MCF2L2: variants seen among roughly 807,000 people sequenced by gnomAD.
The protein encoded by MCF2L2 is probable guanine nucleotide exchange factor MCF2L2.
MCF2L2 carries 102 observed loss-of-function variants against 150.2 expected under a neutral mutation model. The observed-to-expected ratio is 0.68, with a 90% CI of 0.58 to 0.80. The LOEUF is 0.80. Ranked by LOEUF, MCF2L2 falls within the 30% of genes least tolerant of loss-of-function variation. The pLI is 0.00. For missense variants in MCF2L2, 1,256 were observed against 1,372.8 expected, an observed-to-expected ratio of 0.91 and a Z score of 1.34; for synonymous variants, 465 against 491.3, an observed-to-expected ratio of 0.95 and a Z score of 0.71.
intron 11 of MCF2L2, 192 bp from the exon 12 acceptor site, chr3:183,297,359 G>A (rs2108492855): frequency 7.3e-6 from 4 of 550,662 alleles, no homozygotes; most frequent in South Asian, 4.6e-5. Context: ...ACCCAAACCA[G>A]CTGATACCTG....
rs991175716 is a variant in MCF2L2 at position 183,305,549 on chromosome 3, C to T, written c.1113+4167G>A. On this transcript the variant is annotated intron_variant, in intron 10 of 29. Transcript: ENST00000328913. The surrounding 1 kb of genome is among the most constrained non-coding windows in gnomAD (Gnocchi z 4.1). Reference sequence around the variant, plus strand: ...GTCCAAATGGGTCTAGGGAGAAACGCCCATAAAGGCAACTGAGGAGGCCGG... The same window carrying T: ...GTCCAAATGGGTCTAGGGAGAAACGTCCATAAAGGCAACTGAGGAGGCCGG... Among the ~76,000 whole-genome samples, 9 of 152,090 alleles carry T rather than the reference C, an allele frequency of 5.9e-5. No individual in the cohort carries two copies. Among genetic ancestry groups the T allele is most frequent in the African/African-American group, 1.9e-4 (8 of 41,424 alleles).
chr3:183,330,245 GAA>G (rs200391954), intron 5 of MCF2L2, among the ~76,000 whole-genome samples: 25 of 57,316 alleles, frequency 4.4e-4, no homozygotes, highest in African/African-American at 1.1e-3. Flanking sequence ...ACCCTGTCTT[GAA>G]AAAAAAAAAA....
intron 5 of MCF2L2, among the ~76,000 whole-genome samples, chr3:183,330,101 C>T (rs192976721): frequency 1.3e-5 from 2 of 150,862 alleles, no homozygotes; most frequent in African/African-American, 2.4e-5. Context: ...AAAAATCAGC[C>T]GGGCATGGTG....
Position 183,428,146 on chromosome 3 carries a change from C to T in MCF2L2, c.-169G>A. The T allele has an allele frequency of 1.7e-6, 1 of 596,160 alleles. No homozygotes were observed. The highest frequency in any genetic ancestry group is 2.0e-5 in the South Asian group (1 of 49,692). 36.9% of individuals were successfully genotyped at this position (596,160 alleles called of 1,614,324 possible). A position where few individuals can be genotyped will look rare whatever the true frequency, so the allele number is the denominator to read the frequency against. The stretch of plus-strand genomic sequence containing the variant: ...CTCGCAGCCTAGGCCAGCTCTCCCT[C>T]GCCACGCCCCGCGGGGGCTCCCGTG... On this transcript the variant is annotated 5_prime_UTR_variant, in exon 1 of 30. Transcript: ENST00000328913. This position sits in a 1 kb window ranked among gnomAD's most constrained non-coding sequence, Gnocchi z 5.1.
At chr3:183,377,178 G>A (rs1713237050) in intron 3 of MCF2L2, 1 of 152,104 alleles carries the variant, frequency 6.6e-6, no homozygotes, top group African/African-American at 2.4e-5. Flanking sequence ...TTGTCCTAAT[G>A]CTCTCCTTCC....
intron 3 of MCF2L2, among the ~76,000 whole-genome samples, chr3:183,360,155 C>T (rs1349069305): frequency 6.6e-6 from 1 of 152,168 alleles, no homozygotes; most frequent in Non-Finnish European, 1.5e-5. Flanking sequence ...ACTACAGCAG[C>T]TGCATTCACA....
At position 183,305,825 on chromosome 3, in the gene MCF2L2, G is replaced by C. The variant is rs1020147305; in HGVS notation, c.1113+3891C>G. Among the ~76,000 whole-genome samples the C allele has an allele frequency of 2.0e-5, 3 of 152,128 alleles. No individual in the cohort carries two copies. The highest frequency in any genetic ancestry group is 7.2e-5 in the African/African-American group (3 of 41,430). On this transcript the variant is annotated intron_variant, in intron 10 of 29. Transcript: ENST00000328913. This position sits in a 1 kb window ranked among gnomAD's most constrained non-coding sequence, Gnocchi z 4.1. ...GATTGTGCCACTGCACTCCAGCCTG[G>C]GCGGCAAGAGTGAAACTCCGTCTCA...
chr3:183,306,758 C>T (rs1377958705), intron 10 of MCF2L2, among the ~76,000 whole-genome samples: 1 of 152,204 alleles, frequency 6.6e-6, no homozygotes, highest in African/African-American at 2.4e-5. Context: ...CACATGTACA[C>T]AAAGCCATGA....
chr3:183,205,891 G>T lies in MCF2L2; in HGVS notation c.2869C>A (p.Gln957Lys). 2 of 1,613,516 alleles carry T rather than the reference G, an allele frequency of 1.2e-6. No individual in the cohort carries two copies. The highest frequency in any genetic ancestry group is 8.5e-7 in the Non-Finnish European group (1 of 1,179,506). Residue 957 changes from glutamine to lysine, a missense_variant, in exon 25 of 30, where the codon CAA becomes AAA. Coordinates refer to ENST00000328913, the MANE Select transcript of MCF2L2 (RefSeq NM_015078.4). The part of the protein sequence containing the change: ...SEISKLLMEQ[Q>K]NNIKDQGNPQ... The stretch of plus-strand genomic sequence containing the variant: ...GGTAACCTACCTTTGATATTATTTT[G>T]TTGTTCCATCAATAATTTACTTATT...
At chr3:183,216,324 C>A (rs890136777) in intron 21 of MCF2L2, among the ~76,000 whole-genome samples, 1 of 149,612 alleles carries the variant, frequency 6.7e-6, no homozygotes, top group Non-Finnish European at 1.5e-5. Context: ...GTACTAGTGA[C>A]GAATGAAGTT....
intron 6 of MCF2L2, 72 bp downstream of exon 6, chr3:183,323,163 C>G: frequency 8.9e-7 from 1 of 1,128,494 alleles, no homozygotes; most frequent in Non-Finnish European, 1.3e-6. Flanking sequence ...GGCAGTTGAT[C>G]TTTAACTCCC....
intron 15 of MCF2L2, among the ~76,000 whole-genome samples, chr3:183,254,411 G>GT: frequency 6.6e-6 from 1 of 151,938 alleles, no homozygotes; most frequent in East Asian, 1.9e-4. Context: ...AAGGAGGCTC[G>GT]TCCCCTCCCC....
chr3:183,333,677 G>T (rs1730355599), intron 5 of MCF2L2, among the ~76,000 whole-genome samples: 1 of 151,972 alleles, frequency 6.6e-6, no homozygotes, highest in African/African-American at 2.4e-5. Context: ...GAAATTTAAG[G>T]TATCAGTATG....
At chr3:183,367,803 TGA>T (rs959945681) in intron 3 of MCF2L2, among the ~76,000 whole-genome samples, 3 of 151,826 alleles carry the variant, frequency 2.0e-5, no homozygotes, top group Non-Finnish European at 2.9e-5. Context: ...AATGAGAGAA[TGA>T]GAGAGAGTGA....
chr3:183,253,129 T>C (rs566109162), intron 15 of MCF2L2: 6 of 141,768 alleles, frequency 4.2e-5, no homozygotes, highest in East Asian at 2.2e-4. Context: ...GCCCATCACC[T>C]TCACCTACGC....
chr3:183,184,716 C>G (rs1056058530), intron 27 of MCF2L2, among the ~76,000 whole-genome samples: 5 of 152,142 alleles, frequency 3.3e-5, no homozygotes, highest in African/African-American at 1.2e-4. Context: ...ATTATTCTCA[C>G]CAGCATACAT....
chr3:183,194,245 G>C (rs931429918), intron 26 of MCF2L2, among the ~76,000 whole-genome samples: 1 of 152,260 alleles, frequency 6.6e-6, no homozygotes, highest in East Asian at 1.9e-4. Flanking sequence ...GCAGACTACT[G>C]TATCAGAACT....
intron 3 of MCF2L2, among the ~76,000 whole-genome samples, chr3:183,365,276 T>C (rs1712455950): frequency 6.6e-6 from 1 of 152,230 alleles, no homozygotes; most frequent in Non-Finnish European, 1.5e-5. Flanking sequence ...CACTGATTTA[T>C]AAATTTAACA....
rs373647290 is a variant in MCF2L2, at chr3:183,390,895, TCAAAA to T, written c.77-1121_77-1117del. Among the ~76,000 whole-genome samples, 1,128 of 152,174 alleles carry T rather than the reference TCAAAA, an allele frequency of 7.4e-3. 7 individuals carry two copies. The highest frequency in any genetic ancestry group is 0.023 in the African/African-American group (954 of 41,454). ...CTGGACAACAGATGGAGACCCTGTC[TCAAAA>T]CAAAACAAAACAAAACAAAAACAAT... On this transcript the variant is annotated intron_variant, in intron 1 of 29. Coordinates refer to ENST00000328913, the MANE Select transcript of MCF2L2 (RefSeq NM_015078.4).
Sources: allele counts gnomAD v4.1 joint callset (sites outside exome capture counted in the v4.1 genomes callset), GRCh38; gene constraint gnomAD v4.1.1; non-coding constraint Gnocchi (gnomAD v3.1); transcripts MANE v1.5; gene names NCBI Gene and HGNC (gene_info 2026-07-23, HGNC 2026-07-21).